The following SLC25A13 variants were observed in gnomAD, a reference collection of about 807,000 sequenced individuals.
SLC25A13 encodes electrogenic aspartate/glutamate antiporter SLC25A13, mitochondrial.
In SLC25A13, 70 loss-of-function variants were observed where a neutral mutation model predicts 85.5. The ratio of observed to expected loss-of-function variants is 0.82; its 90% CI spans 0.68 to 1.00. SLC25A13 has a LOEUF of 1.00. Among genes scored for constraint, SLC25A13 ranks in the 50% least tolerant of loss-of-function variants. The pLI, the probability that SLC25A13 is intolerant of heterozygous loss-of-function variation, is 0.00. For missense variants in SLC25A13, 765 were observed against 819.8 expected, an observed-to-expected ratio of 0.93 and a Z score of 0.82; for synonymous variants, 259 against 288.7, an observed-to-expected ratio of 0.90 and a Z score of 1.04.
chr7:96,193,175 T>C lies in SLC25A13; in HGVS notation c.477A>G (p.Gln159=), dbSNP rs2116663498. Reference sequence around the variant, plus strand: ...CAAAGGCTTGCTTTGCGTGCTCCAGTTGTATTTCCTACAAATAAAGAAAGT... The same window carrying C: ...CAAAGGCTTGCTTTGCGTGCTCCAGCTGTATTTCCTACAAATAAAGAAAGT... ...AEFTQFLLEI[Q]LEHAKQAFVQ... is the part of the protein sequence containing the mutation. Residue 159 remains glutamine, a synonymous_variant, in exon 6 of 18, where the codon CAA becomes CAG. Coordinates refer to ENST00000265631, the MANE Select transcript of SLC25A13 (RefSeq NM_014251.3). 1 of 1,614,154 alleles carries C rather than the reference T, an allele frequency of 6.2e-7. No homozygotes were observed.
chr7:96,303,842 C>T (rs768310058), intron 1 of SLC25A13, among the ~76,000 whole-genome samples: 5 of 151,990 alleles, frequency 3.3e-5, no homozygotes, highest in Admixed American at 6.6e-5. Flanking sequence ...CTGCTTGAGA[C>T]TCTAGACGTC....
chr7:96,149,549 G>C (rs1185521199), intron 13 of SLC25A13, among the ~76,000 whole-genome samples: 1 of 152,204 alleles, frequency 6.6e-6, no homozygotes, highest in African/African-American at 2.4e-5. Flanking sequence ...GATGCACGGG[G>C]AAGAAAGAAT....
Position 96,189,692 on chromosome 7 carries a change from TA to T in SLC25A13, c.755-19del. ...AAACTCCTCTGTATGGAAGAAAAGT[TA>T]AAAGGGAAAGATTCAAGAAGAAATA... On this transcript the variant is annotated intron_variant, in intron 7 of 17. Transcript: ENST00000265631. The T allele has an allele frequency of 6.2e-7, 1 of 1,604,324 alleles. No individual in the cohort carries two copies. Among genetic ancestry groups the T allele is most frequent in the South Asian group, 1.1e-5 (1 of 90,906 alleles).
Position 96,146,707 on chromosome 7 carries a change from C to G in SLC25A13, c.1312-11G>C, listed in dbSNP as rs897593798. On this transcript the variant is annotated splice_polypyrimidine_tract_variant and intron_variant, in intron 13 of 17. Coordinates refer to ENST00000265631, the MANE Select transcript of SLC25A13 (RefSeq NM_014251.3). ...CTGGGAGCCTCCAGCCTAAAAAGAA[C>G]AAAAAAGATTTAGGATCAAAGCAAA... The G allele has an allele frequency of 5.6e-6, 9 of 1,613,612 alleles. No homozygotes were observed. In the South Asian group the frequency reaches 8.8e-5, roughly 16 times the overall value.
intron 13 of SLC25A13, chr7:96,169,809 A>T: frequency 3.6e-6 from 2 of 559,700 alleles, no homozygotes; most frequent in Non-Finnish European, 6.4e-6. Context: ...AGAACAAACC[A>T]TAAGCAATGA....
rs1311587986 is a variant in SLC25A13 at position 96,164,300 on chromosome 7, G to A, written c.1311+5745C>T. 7.2e-5 allele frequency among the ~76,000 whole-genome samples: 11 copies of A among 152,184 alleles called. No individual in the cohort carries two copies. In the East Asian group the frequency reaches 1.2e-3, roughly 16 times the overall value. On this transcript the variant is annotated intron_variant, in intron 13 of 17. Transcript: ENST00000265631. The stretch of plus-strand genomic sequence containing the variant: ...GTGGAGAACCTGTTCCCCCAGCCAT[G>A]GCTCCAGCTGAGCTCCAAGCTGATT...
intron 1 of SLC25A13, among the ~76,000 whole-genome samples, chr7:96,306,616 A>G (rs1004513740): frequency 2.0e-5 from 3 of 152,078 alleles, no homozygotes; most frequent in African/African-American, 7.2e-5. Flanking sequence ...CTCTTGGGCA[A>G]CTGCAGGATG....
intron 4 of SLC25A13, among the ~76,000 whole-genome samples, chr7:96,221,400 A>G (rs1004629657): frequency 1.3e-5 from 2 of 152,226 alleles, no homozygotes; most frequent in Admixed American, 6.5e-5. Context: ...AATCTACTGC[A>G]GGGCAATATT....
At chr7:96,257,324 T>G (rs1034945977) in intron 3 of SLC25A13, among the ~76,000 whole-genome samples, 2 of 151,650 alleles carry the variant, frequency 1.3e-5, no homozygotes, top group Non-Finnish European at 2.9e-5. Context: ...CTAGCCAGAC[T>G]AATAAAGAAG....
rs185565803 is a variant in SLC25A13 at position 96,319,820 on chromosome 7, G to C, written c.15+2122C>G. Reference sequence around the variant, plus strand: ...GCCATCAGATATCACAGAAAGAGGTGAGTGCAAATGAAGACATAAACAAAA... The same window carrying C: ...GCCATCAGATATCACAGAAAGAGGTCAGTGCAAATGAAGACATAAACAAAA... On this transcript the variant is annotated intron_variant, in intron 1 of 17. Transcript: ENST00000265631. 1.6e-3 allele frequency among the ~76,000 whole-genome samples: 236 copies of C among 152,214 alleles called. 1 individual carries two copies. The highest frequency in any genetic ancestry group is 4.6e-3 in the African/African-American group (192 of 41,520).
At chr7:96,303,812 T>A (rs1799640911) in intron 1 of SLC25A13, among the ~76,000 whole-genome samples, 1 of 152,024 alleles carries the variant, frequency 6.6e-6, no homozygotes, top group South Asian at 2.1e-4. Flanking sequence ...AGGAGGTCAC[T>A]GCTGTCTTGG....
At chr7:96,193,399 C>T (rs1354749027) in intron 5 of SLC25A13, among the ~76,000 whole-genome samples, 1 of 152,130 alleles carries the variant, frequency 6.6e-6, no homozygotes, top group Admixed American at 6.5e-5. Context: ...TGCACTCTAC[C>T]TTACTCTGCT....
intron 15 of SLC25A13, among the ~76,000 whole-genome samples, chr7:96,127,514 T>C (rs1285875458): frequency 3.3e-5 from 5 of 152,230 alleles, no homozygotes; most frequent in African/African-American, 1.2e-4. Flanking sequence ...GCTAAAAAGC[T>C]ACATATTACT....
At chr7:96,254,480 A>G (rs187386291) in intron 3 of SLC25A13, among the ~76,000 whole-genome samples, 58 of 152,334 alleles carry the variant, frequency 3.8e-4, no homozygotes, top group Admixed American at 2.2e-3. Context: ...GTCATGTGAG[A>G]CAAGTCCTTA....
chr7:96,195,572 C>A (rs964452517), intron 5 of SLC25A13, among the ~76,000 whole-genome samples: 2 of 152,158 alleles, frequency 1.3e-5, no homozygotes, highest in African/African-American at 4.8e-5. Context: ...CTCCCTCCCC[C>A]TCCATGGAAA....
chr7:96,172,923 T>A (rs1005309729), intron 11 of SLC25A13, among the ~76,000 whole-genome samples: 4 of 152,114 alleles, frequency 2.6e-5, no homozygotes, highest in Non-Finnish European at 5.9e-5. Flanking sequence ...CACGCCCGGC[T>A]AATTTTTTGT....
intron 11 of SLC25A13, among the ~76,000 whole-genome samples, chr7:96,181,923 G>T (rs1794434245): frequency 6.6e-6 from 1 of 152,060 alleles, no homozygotes; most frequent in Non-Finnish European, 1.5e-5. Context: ...AATGTACAAA[G>T]AATCACATAT....
At chr7:96,238,171 AT>A (rs2116825910) in intron 3 of SLC25A13, among the ~76,000 whole-genome samples, 1 of 152,272 alleles carries the variant, frequency 6.6e-6, no homozygotes, top group African/African-American at 2.4e-5. Flanking sequence ...AAACAGGGAA[AT>A]TTAAAAACAG....
intron 4 of SLC25A13, among the ~76,000 whole-genome samples, chr7:96,225,569 A>T (rs1199974488): frequency 6.6e-6 from 1 of 151,902 alleles, no homozygotes; most frequent in African/African-American, 2.4e-5. Flanking sequence ...AAAGAAAAAA[A>T]AAAGGAATGG....
Sources: allele counts gnomAD v4.1 joint callset (sites outside exome capture counted in the v4.1 genomes callset), GRCh38; gene constraint gnomAD v4.1.1; transcripts MANE v1.5; gene names NCBI Gene and HGNC (gene_info 2026-07-23, HGNC 2026-07-21).